Variants in ACAN observed in about 807,000 individuals in gnomAD.
ACAN encodes the protein aggrecan.
Under a neutral mutation model 169.1 loss-of-function variants are expected in ACAN, and 47 were observed. The observed-to-expected ratio is 0.28, with a 90% CI of 0.22 to 0.35. ACAN has a LOEUF of 0.35. Among genes scored for constraint, ACAN ranks in the 10% least tolerant of loss-of-function variants. ACAN has a pLI of 1.00. For missense variants in ACAN, 2,716 were observed against 2,759.9 expected (o/e 0.98, Z 0.36); for synonymous variants, 1,115 against 1,112.2 (o/e 1.00, Z -0.05).
At position 88,851,559 on chromosome 15, in the gene ACAN, A is replaced by G. The variant is rs1896930192; in HGVS notation, c.2027-235A>G. ...AGAGCAATGCCCGGCATATATGGTC[A>G]ATTCTGCAGGGGAGATGCCCCAGAT... is the stretch of plus-strand genomic sequence containing the variant. On this transcript the variant is annotated intron_variant, in intron 10 of 18. Transcript: ENST00000560601. The surrounding 1 kb of genome is among the most constrained non-coding windows in gnomAD (Gnocchi z 4.3). The G allele has an allele frequency of 2.1e-6, 1 of 486,758 alleles. No homozygotes were observed. Among genetic ancestry groups the G allele is most frequent in the Non-Finnish European group, 3.6e-6 (1 of 274,774 alleles). The allele number at this position is 486,758 out of a possible 1,614,324, so 30.2% of individuals were successfully genotyped here.
Position 88,841,124 on chromosome 15 carries a change from G to A in ACAN, c.630-616G>A, listed in dbSNP as rs1365205211. Reference sequence around the variant, plus strand: ...CGCGCCACTGCACTCCAGCCTAGGTGACAGAGCGAGACTCCGTCTCAAAAA... The same window carrying A: ...CGCGCCACTGCACTCCAGCCTAGGTAACAGAGCGAGACTCCGTCTCAAAAA... On this transcript the variant is annotated intron_variant, in intron 4 of 18. Coordinates refer to ENST00000560601, the MANE Select transcript of ACAN (RefSeq NM_001369268.1). 4.6e-5 allele frequency among the ~76,000 whole-genome samples: 7 copies of A among 152,330 alleles called. No homozygotes were observed. The East Asian group carries it at 1.2e-3, about 25-fold the overall frequency.
At chr15:88,821,322 G>C (rs1463254773) in intron 1 of ACAN, among the ~76,000 whole-genome samples, 1 of 152,132 alleles carries the variant, frequency 6.6e-6, no homozygotes, top group Non-Finnish European at 1.5e-5. Context: ...TAGAGACAGG[G>C]GGAAGGGTTG....
intron 12 of ACAN, among the ~76,000 whole-genome samples, chr15:88,859,977 C>T (rs1263510526): frequency 2.6e-5 from 4 of 151,682 alleles, no homozygotes; most frequent in Non-Finnish European, 4.4e-5. Context: ...CAACCCCATC[C>T]GTGTACAAAG....
rs1895716856 is a variant in ACAN at position 88,807,684 on chromosome 15, AG to A, written c.-8+3878del. ...GTTTCTTTTTTCAAAAGTTGAATCC[AG>A]GGCAAGAACGGAAACGGTGGAGTTT... On this transcript the variant is annotated intron_variant, in intron 1 of 18. Coordinates refer to ENST00000560601, the MANE Select transcript of ACAN (RefSeq NM_001369268.1). This position sits in a 1 kb window ranked among gnomAD's most constrained non-coding sequence, Gnocchi z 4.0. Among the ~76,000 whole-genome samples, 1 of 152,146 alleles carries A rather than the reference AG, an allele frequency of 6.6e-6. No individual in the cohort carries two copies. The highest frequency in any genetic ancestry group is 6.5e-5 in the Admixed American group (1 of 15,278).
intron 1 of ACAN, among the ~76,000 whole-genome samples, chr15:88,817,020 C>A (rs533206007): frequency 2.0e-4 from 31 of 152,234 alleles, no homozygotes; most frequent in Admixed American, 1.5e-3. Flanking sequence ...TATCCCCAGT[C>A]GGCTGCCACC....
intron 1 of ACAN, among the ~76,000 whole-genome samples, chr15:88,822,112 G>A (rs2141519444): frequency 6.6e-6 from 1 of 152,312 alleles, no homozygotes; most frequent in South Asian, 2.1e-4. Flanking sequence ...ATATAGACAT[G>A]GCTGACCTTA....
chr15:88,811,569 G>A (rs1238655372), intron 1 of ACAN, among the ~76,000 whole-genome samples: 1 of 152,222 alleles, frequency 6.6e-6, no homozygotes, highest in Non-Finnish European at 1.5e-5. Context: ...ACAACAATGA[G>A]GTAGAACATT....
rs1192130363 is a variant in ACAN at position 88,848,058 on chromosome 15, A to G, written c.1732+20A>G. The G allele has an allele frequency of 6.2e-7, 1 of 1,611,138 alleles. No homozygotes were observed. Among genetic ancestry groups the G allele is most frequent in the South Asian group, 1.1e-5 (1 of 90,680 alleles). On this transcript the variant is annotated intron_variant, in intron 9 of 18. Coordinates refer to ENST00000560601, the MANE Select transcript of ACAN (RefSeq NM_001369268.1). The stretch of plus-strand genomic sequence containing the variant: ...TTGAGGGTACAAGCCACATTCTCAC[A>G]TTTCGGGCCCTAGATGGGCAGGGGG...
rs185209088 is a variant in ACAN, at chr15:88,811,477, C to G, written c.-8+7668C>G. Among the ~76,000 whole-genome samples the G allele has an allele frequency of 7.9e-5, 12 of 152,336 alleles. No individual in the cohort carries two copies. In the South Asian group the frequency reaches 2.5e-3, roughly 32 times the overall value. On this transcript the variant is annotated intron_variant, in intron 1 of 18. Transcript: ENST00000560601. Reference sequence around the variant, plus strand: ...TGACCCAGCAAGCGCTCTCCAAGCCCCACATCTCACATCTGTAACCTTCCC... The same window carrying G: ...TGACCCAGCAAGCGCTCTCCAAGCCGCACATCTCACATCTGTAACCTTCCC...
chr15:88,857,854 G>A lies in ACAN; in HGVS notation c.5269G>A (p.Gly1757Arg), dbSNP rs202054679. 51 of 1,613,766 alleles carry A rather than the reference G, an allele frequency of 3.2e-5. No homozygotes were observed. The highest frequency in any genetic ancestry group is 8.9e-5 in the East Asian group (4 of 44,888). The change falls in exon 12 of 19, where the codon GGG becomes AGG. Residue 1757 changes from glycine (G) to arginine (R), a missense_variant. Gly to Arg is a moderately radical substitution (Grantham distance 125). Coordinates refer to ENST00000560601, the MANE Select transcript of ACAN (RefSeq NM_001369268.1). ...AACATCTGGAGTGACTGAGCTTAGCGGGCTGTCCTCTGGACAACCAGGTAT... is the reference window on the plus strand; with the variant it reads ...AACATCTGGAGTGACTGAGCTTAGCAGGCTGTCCTCTGGACAACCAGGTAT... ...GETSGVTELS[G>R]LSSGQPGISG...
chr15:88,840,034 C>A lies in ACAN; in HGVS notation c.477C>A (p.Ala159=). 6.2e-7 allele frequency: 1 copy of A among 1,601,622 alleles called. No homozygotes were observed. The highest frequency in any genetic ancestry group is 2.2e-5 in the East Asian group (1 of 44,454). ...CAGGCATCGTGTTCCATTACAGAGCCATCTCTACACGCTACACCCTCGACT... is the reference window on the plus strand; with the variant it reads ...CAGGCATCGTGTTCCATTACAGAGCAATCTCTACACGCTACACCCTCGACT... The part of the protein sequence containing the change: ...VVKGIVFHYR[A]ISTRYTLDFD... Residue 159 remains alanine (A), a synonymous_variant, in exon 4 of 19, where the codon GCC becomes GCA. Transcript: ENST00000560601.
chr15:88,841,626 T>A lies in ACAN; in HGVS notation c.630-114T>A, dbSNP rs74029633. ...GTTGACATATTCAGAAGAGACATTG[T>A]CAAATGCAATATTAAGTTGCTGTTT... On this transcript the variant is annotated intron_variant, in intron 4 of 18. Coordinates refer to ENST00000560601, the MANE Select transcript of ACAN (RefSeq NM_001369268.1). The A allele has an allele frequency of 2.5e-3, 3,380 of 1,356,320 alleles. 52 individuals carry two copies. In the African/African-American group the frequency reaches 0.042, roughly 17 times the overall value. The allele number at this position is 1,356,320 out of a possible 1,614,324, so 84.0% of individuals were successfully genotyped here. A position where few individuals can be genotyped will look rare whatever the true frequency, so the allele number is the denominator to read the frequency against.
At chr15:88,844,294 CTTTTTTT>C (rs71149235) in intron 6 of ACAN, among the ~76,000 whole-genome samples, 2 of 104,690 alleles carry the variant, frequency 1.9e-5, no homozygotes, top group Non-Finnish European at 3.9e-5. Context: ...CCATGCTTTG[CTTTTTTT>C]TTTTTTTTTT....
At chr15:88,859,475 G>C in intron 12 of ACAN, 58 bp downstream of exon 12, 2 of 1,549,658 alleles carry the variant, frequency 1.3e-6, no homozygotes, top group Non-Finnish European at 1.7e-6. Context: ...GTAGCCTACT[G>C]CAGCACAGAA....
chr15:88,808,282 G>A (rs1229243373), intron 1 of ACAN, among the ~76,000 whole-genome samples: 1 of 152,208 alleles, frequency 6.6e-6, no homozygotes, highest in Admixed American at 6.5e-5. Context: ...CCAGGCTGCT[G>A]CCCCAGAGCA....
At chr15:88,848,975 G>C (rs1896862236) in intron 9 of ACAN, among the ~76,000 whole-genome samples, 1 of 152,230 alleles carries the variant, frequency 6.6e-6, no homozygotes, top group Non-Finnish European at 1.5e-5. Context: ...CCCAGCCCCT[G>C]CCCTGGATGA....
intron 1 of ACAN, among the ~76,000 whole-genome samples, chr15:88,805,842 G>A (rs899272053): frequency 1.3e-5 from 2 of 152,102 alleles, no homozygotes; most frequent in Non-Finnish European, 2.9e-5. Flanking sequence ...ACACACCCAG[G>A]CACACCTCTT....
Position 88,847,012 on chromosome 15 carries a change from G to A in ACAN, c.1430-231G>A, listed in dbSNP as rs60125694. 0.027 allele frequency among the ~76,000 whole-genome samples: 4,140 copies of A among 152,320 alleles called. 196 individuals carry two copies. The highest frequency in any genetic ancestry group is 0.095 in the African/African-American group (3,944 of 41,558). ...AGTCTATGAACAAGGACATTCTGGT[G>A]TGGCCTTGTTCCGTAATGGCCTTGG... is the stretch of plus-strand genomic sequence containing the variant. On this transcript the variant is annotated intron_variant, in intron 7 of 18. Transcript: ENST00000560601.
At chr15:88,834,479 C>G (rs1896449214) in intron 1 of ACAN, among the ~76,000 whole-genome samples, 1 of 152,216 alleles carries the variant, frequency 6.6e-6, no homozygotes, top group South Asian at 2.1e-4. Context: ...CCATCCAGCC[C>G]CAGCCGGCGG....
Sources: gnomAD v4.1 joint callset for allele counts (sites outside exome capture counted in the v4.1 genomes callset) on GRCh38, gnomAD v4.1.1 for gene constraint, Gnocchi (gnomAD v3.1) non-coding constraint, MANE v1.5 for transcripts, NCBI Gene and HGNC (gene_info 2026-07-23, HGNC 2026-07-21) for gene names.